Variants in UTRN observed in about 807,000 individuals in gnomAD.
UTRN encodes utrophin.
A neutral mutation model predicts 463.9 loss-of-function variants in UTRN; 283 were observed. The ratio of observed to expected loss-of-function variants is 0.61; its 90% CI spans 0.55 to 0.67. The LOEUF (loss-of-function observed/expected upper bound fraction) is 0.67, where lower values mean the gene tolerates loss of function less well. Ranked by LOEUF, UTRN falls within the 30% of genes least tolerant of loss-of-function variation. The probability of loss-of-function intolerance (pLI) is 0.00; values close to 1 mark genes in which losing one functional copy is unlikely to be tolerated. For synonymous variants in UTRN, 1,442 were observed against 1,431.5 expected (o/e 1.01, Z -0.17); for missense variants, 3,922 against 4,084.3 (o/e 0.96, Z 1.08).
At chr6:144,579,318 TA>T (rs1403775673) in intron 51 of UTRN, among the ~76,000 whole-genome samples, 3 of 152,208 alleles carry the variant, frequency 2.0e-5, no homozygotes, top group African/African-American at 4.8e-5. Context: ...CTAGATTATT[TA>T]TTTTTTTATG....
intron 23 of UTRN, among the ~76,000 whole-genome samples, chr6:144,463,400 G>A (rs546355401): frequency 1.1e-3 from 165 of 152,260 alleles, no homozygotes; most frequent in Non-Finnish European, 2.0e-3. Context: ...CAGTGATAAA[G>A]TTTAAGAGGA....
At chr6:144,440,516 T>C (rs1370926578) in intron 13 of UTRN, 45 bp downstream of exon 13, 1 of 1,612,210 alleles carries the variant, frequency 6.2e-7, no homozygotes, top group African/African-American at 1.3e-5. Context: ...ACCTGTGGTC[T>C]GAGACCCAAT....
chr6:144,368,822 G>A (rs1439043416), intron 2 of UTRN, among the ~76,000 whole-genome samples: 1 of 152,084 alleles, frequency 6.6e-6, no homozygotes, highest in Non-Finnish European at 1.5e-5. Flanking sequence ...TAAAGTTAGG[G>A]TCCGTTTAGT....
At chr6:144,405,226 G>A (rs979440315) in intron 3 of UTRN, among the ~76,000 whole-genome samples, 1 of 152,160 alleles carries the variant, frequency 6.6e-6, no homozygotes, top group Admixed American at 6.5e-5. Context: ...AAACCTAGAA[G>A]GAATTTATCT....
intron 56 of UTRN, among the ~76,000 whole-genome samples, 189 bp from the exon 57 acceptor site, chr6:144,754,531 C>CT (rs34213856): frequency 0.3 from 33,411 of 112,062 alleles, 6,035 homozygotes; most frequent in East Asian, 0.58. Flanking sequence ...CAGAAGGAGT[C>CT]TTTTTTTTTT....
chr6:144,783,003 C>A (rs1775980960), intron 61 of UTRN, among the ~76,000 whole-genome samples: 3 of 152,050 alleles, frequency 2.0e-5, no homozygotes. Context: ...CGAGACCAGC[C>A]TGACCAACGT....
intron 49 of UTRN, among the ~76,000 whole-genome samples, chr6:144,556,724 C>A (rs558183968): frequency 1.2e-4 from 18 of 152,268 alleles, no homozygotes; most frequent in African/African-American, 4.3e-4. Context: ...TGTAAACACA[C>A]CTTGTGATCC....
In UTRN at chr6:144,798,978, G is replaced by T. The variant is rs182806923; in HGVS notation, c.9245+988G>T. Among the ~76,000 whole-genome samples, 86 of 152,348 alleles carry T rather than the reference G, an allele frequency of 5.6e-4. No individual in the cohort carries two copies. The East Asian group carries it at 0.015, about 26-fold the overall frequency. On this transcript the variant is annotated intron_variant, in intron 64 of 74. Transcript: ENST00000367545. Reference sequence around the variant, plus strand: ...GCTGGTCTCAAACTCCCGACCATGTGATCTGTCCTCCTTGGCCTCCCAAAG... The same window carrying T: ...GCTGGTCTCAAACTCCCGACCATGTTATCTGTCCTCCTTGGCCTCCCAAAG...
At chr6:144,709,794 C>T (rs1785481421) in intron 53 of UTRN, among the ~76,000 whole-genome samples, 1 of 152,108 alleles carries the variant, frequency 6.6e-6, no homozygotes, top group African/African-American at 2.4e-5. Context: ...CTATATACAA[C>T]CTTTATTTAG....
rs766001571 is a variant in UTRN at position 144,757,944 on chromosome 6, C to A, written c.8450C>A (p.Pro2817Gln). The A allele has an allele frequency of 6.2e-7, 1 of 1,610,180 alleles. No individual in the cohort carries two copies. Among genetic ancestry groups the A allele is most frequent in the Non-Finnish European group, 8.5e-7 (1 of 1,177,794 alleles). Residue 2817 changes from proline (P) to glutamine (Q), a missense_variant, in exon 58 of 75, where the codon CCG becomes CAG. Physicochemically the swap from Pro to Gln is moderately conservative, Grantham distance 76. Transcript: ENST00000367545. Reference sequence around the variant, plus strand: ...GTTTCCTCAGCGTCAGTCCAGCTGCCGTGGCAAAGATCCATTTCACATAAT... The same window carrying A: ...GTTTCCTCAGCGTCAGTCCAGCTGCAGTGGCAAAGATCCATTTCACATAAT... Reference protein sequence around the residue: ...QHFLSTSVQLPWQRSISHNKV... With the variant: ...QHFLSTSVQLQWQRSISHNKV...
intron 50 of UTRN, among the ~76,000 whole-genome samples, chr6:144,574,628 T>A (rs1801260002): frequency 6.6e-6 from 1 of 152,196 alleles, no homozygotes; most frequent in Non-Finnish European, 1.5e-5. Context: ...TCACCCAGAC[T>A]GGGGTGCAGT....
chr6:144,767,543 C>G (rs1000653017), intron 58 of UTRN, among the ~76,000 whole-genome samples: 16 of 152,148 alleles, frequency 1.1e-4, no homozygotes, highest in African/African-American at 3.9e-4. Context: ...TATCTAAGCA[C>G]TCTCTGCCCT....
intron 34 of UTRN, among the ~76,000 whole-genome samples, chr6:144,509,842 A>G (rs1419164833): frequency 6.6e-6 from 1 of 152,108 alleles, no homozygotes; most frequent in Non-Finnish European, 1.5e-5. Flanking sequence ...AATTACTTGT[A>G]GTTCATTATT....
Position 144,513,954 on chromosome 6 carries a change from A to C in UTRN, c.4990A>C (p.Ile1664Leu). 6.2e-7 allele frequency: 1 copy of C among 1,614,062 alleles called. No individual in the cohort carries two copies. Among genetic ancestry groups the C allele is most frequent in the Non-Finnish European group, 8.5e-7 (1 of 1,179,958 alleles). Residue 1664 changes from isoleucine (I) to leucine (L), a missense_variant, in exon 36 of 75, where the codon ATA becomes CTA. Coordinates refer to ENST00000367545, the MANE Select transcript of UTRN (RefSeq NM_007124.3). Reference sequence around the variant, plus strand: ...AATATTTGATGGGAACGTGGCTCACATAAGTACCTGGCTTTATCAAGCTGA... The same window carrying C: ...AATATTTGATGGGAACGTGGCTCACCTAAGTACCTGGCTTTATCAAGCTGA... ...LEIFDGNVAH[I>L]STWLYQAEAL...
At chr6:144,302,177 T>A (rs1252404168) in intron 2 of UTRN, among the ~76,000 whole-genome samples, 1 of 152,150 alleles carries the variant, frequency 6.6e-6, no homozygotes, top group Non-Finnish European at 1.5e-5. Context: ...TTTCTGATGC[T>A]AGCCTTTAGC....
intron 54 of UTRN, among the ~76,000 whole-genome samples, chr6:144,743,177 A>G (rs1413135471): frequency 1.3e-5 from 2 of 152,226 alleles, no homozygotes; most frequent in East Asian, 3.8e-4. Context: ...TAGACTGGCT[A>G]CTATAAAATC....
chr6:144,414,423 A>G lies in UTRN; in HGVS notation c.142-7455A>G, dbSNP rs987379221. 7.9e-5 allele frequency among the ~76,000 whole-genome samples: 12 copies of G among 152,352 alleles called. No individual in the cohort carries two copies. The East Asian group carries it at 2.1e-3, about 27-fold the overall frequency. ...CCTTGTAGAATAAGGACAAAATGAA[A>G]CAGAATATTCTTGCACAGATGTGTG... On this transcript the variant is annotated intron_variant, in intron 3 of 74. Transcript: ENST00000367545.
intron 59 of UTRN, among the ~76,000 whole-genome samples, chr6:144,773,249 C>T (rs1794284499): frequency 6.6e-6 from 1 of 152,000 alleles, no homozygotes; most frequent in African/African-American, 2.4e-5. Flanking sequence ...ATGGGAGGAG[C>T]ATAGAAATAA....
chr6:144,384,639 T>C (rs1363165898), intron 2 of UTRN, among the ~76,000 whole-genome samples: 1 of 152,210 alleles, frequency 6.6e-6, no homozygotes. Flanking sequence ...AGGTACCTCA[T>C]GTAAGTGGAA....
Sources: allele counts gnomAD v4.1 joint callset (sites outside exome capture counted in the v4.1 genomes callset), GRCh38; gene constraint gnomAD v4.1.1; transcripts MANE v1.5; gene names NCBI Gene and HGNC (gene_info 2026-07-23, HGNC 2026-07-21).